CCDC141: variants seen among roughly 807,000 people sequenced by gnomAD.
CCDC141 encodes the protein coiled-coil domain containing 141.
Under a neutral mutation model 181.0 loss-of-function variants are expected in CCDC141, and 168 were observed. The observed-to-expected ratio is 0.93, with a 90% CI of 0.82 to 1.05. The LOEUF is 1.05. Ranked by LOEUF, CCDC141 falls within the 50% of genes least tolerant of loss-of-function variation. The pLI, the probability that CCDC141 is intolerant of heterozygous loss-of-function variation, is 0.00. For missense variants in CCDC141, 1,902 were observed against 1,788.5 expected, an observed-to-expected ratio of 1.06 and a Z score of -1.14; for synonymous variants, 666 against 642.3, an observed-to-expected ratio of 1.04 and a Z score of -0.56.
intron 8 of CCDC141, among the ~76,000 whole-genome samples, chr2:178,898,557 A>G (rs1177108688): frequency 6.6e-6 from 1 of 152,236 alleles, no homozygotes; most frequent in Admixed American, 6.6e-5. Context: ...AAAGGATAAC[A>G]ACTATTTAAT....
chr2:179,037,274 C>T (rs551005203), intron 2 of CCDC141, among the ~76,000 whole-genome samples: 1 of 152,362 alleles, frequency 6.6e-6, no homozygotes, highest in African/African-American at 2.4e-5. Context: ...GTGGAAACAT[C>T]TTCCCTAACA....
chr2:179,017,396 G>A (rs969484114), intron 2 of CCDC141, among the ~76,000 whole-genome samples: 3 of 151,988 alleles, frequency 2.0e-5, no homozygotes, highest in Non-Finnish European at 4.4e-5. Context: ...GGTGTATCTG[G>A]GGTGGGTGAT....
At chr2:178,904,042 T>C (rs925617348) in intron 8 of CCDC141, among the ~76,000 whole-genome samples, 3 of 152,274 alleles carry the variant, frequency 2.0e-5, no homozygotes, top group Non-Finnish European at 4.4e-5. Flanking sequence ...AAGACATTTA[T>C]ACATTCTGGA....
At chr2:178,978,365 G>C (rs1441841510) in intron 3 of CCDC141, 119 bp downstream of exon 3, 2 of 555,500 alleles carry the variant, frequency 3.6e-6, no homozygotes, top group East Asian at 6.9e-5. Context: ...TGTATGTTTT[G>C]GTTATTCTGC....
chr2:178,879,567 T>C (rs1291059374), intron 11 of CCDC141, among the ~76,000 whole-genome samples: 1 of 152,160 alleles, frequency 6.6e-6, no homozygotes, highest in African/African-American at 2.4e-5. Flanking sequence ...TGGAGCCTTC[T>C]AAGATGCCCT....
intron 5 of CCDC141, among the ~76,000 whole-genome samples, chr2:178,957,363 C>T (rs189129690): frequency 4.2e-4 from 64 of 152,268 alleles, no homozygotes; most frequent in African/African-American, 1.4e-3. Context: ...GAAACAGCAA[C>T]GAGACACCAC....
intron 2 of CCDC141, among the ~76,000 whole-genome samples, chr2:179,043,984 A>G (rs1485936791): frequency 6.6e-6 from 1 of 152,226 alleles, no homozygotes; most frequent in Non-Finnish European, 1.5e-5. Flanking sequence ...CAACGTGCAA[A>G]AACCGCTAGC....
chr2:178,875,951 C>A (rs559440066), intron 12 of CCDC141: 2 of 151,818 alleles, frequency 1.3e-5, no homozygotes, highest in Non-Finnish European at 2.9e-5. Context: ...ATGTTCTAAA[C>A]GAAAAATAAC....
chr2:179,043,654 T>C (rs1471095773), intron 2 of CCDC141, among the ~76,000 whole-genome samples: 2 of 152,168 alleles, frequency 1.3e-5, no homozygotes, highest in East Asian at 1.9e-4. Flanking sequence ...CGGAATAAAC[T>C]AGGTATTGAA....
At chr2:179,038,124 C>G (rs2043195049) in intron 2 of CCDC141, among the ~76,000 whole-genome samples, 1 of 152,122 alleles carries the variant, frequency 6.6e-6, no homozygotes, top group Non-Finnish European at 1.5e-5. Context: ...TGTCTATTGA[C>G]AGATGAATGA....
chr2:178,834,545 C>G (rs1171247416), intron 23 of CCDC141, 105 bp from the exon 24 acceptor site: 1 of 1,271,276 alleles, frequency 7.9e-7, no homozygotes, highest in African/African-American at 1.5e-5. Context: ...GCAATATTCT[C>G]TTAGGATTAG....
chr2:179,018,340 A>G (rs1396582367), intron 2 of CCDC141, among the ~76,000 whole-genome samples: 1 of 152,170 alleles, frequency 6.6e-6, no homozygotes, highest in Middle Eastern at 3.2e-3. Context: ...GGATACAGGT[A>G]GAGTCTCTAG....
intron 2 of CCDC141, among the ~76,000 whole-genome samples, chr2:178,996,928 C>G (rs1271878533): frequency 6.6e-6 from 1 of 152,134 alleles, no homozygotes. Flanking sequence ...GATCAGAGGC[C>G]AGGTATGGCC....
At chr2:178,935,731 A>C (rs1689259894) in intron 6 of CCDC141, among the ~76,000 whole-genome samples, 1 of 152,116 alleles carries the variant, frequency 6.6e-6, no homozygotes, top group African/African-American at 2.4e-5. Flanking sequence ...AATGGTGTAT[A>C]AGTGTTCCCT....
At position 178,905,422 on chromosome 2, in the gene CCDC141, A is replaced by T. The variant is rs1172180451; in HGVS notation, c.1172T>A (p.Val391Glu). The T allele has an allele frequency of 6.4e-7, 1 of 1,550,994 alleles. No homozygotes were observed. Among genetic ancestry groups the T allele is most frequent in the African/African-American group, 1.4e-5 (1 of 73,174 alleles). Residue 391 changes from valine to glutamate, a missense_variant, in exon 8 of 24, where the codon GTG becomes GAG. Physicochemically the swap from Val to Glu is moderately radical, Grantham distance 121. Transcript: ENST00000443758. ...SEGLSLAVLA[V>E]RHEELHRKIK... The stretch of plus-strand genomic sequence containing the variant: ...TTTTCTGTGTAATTCCTCATGCCTC[A>T]CTGCCAAAACAGCCAGACTTAAACC...
chr2:178,988,953 A>G (rs1310338482), intron 2 of CCDC141, among the ~76,000 whole-genome samples: 1 of 152,196 alleles, frequency 6.6e-6, no homozygotes, highest in East Asian at 1.9e-4. Flanking sequence ...ATTCACATGT[A>G]AAAGAATAAA....
chr2:179,019,166 G>A (rs985753375), intron 2 of CCDC141, among the ~76,000 whole-genome samples: 2 of 152,068 alleles, frequency 1.3e-5, no homozygotes, highest in African/African-American at 2.4e-5. Flanking sequence ...ATTAGGAGAC[G>A]AAAGTCTTTT....
chr2:178,956,161 GC>G (rs1364327010), intron 5 of CCDC141, among the ~76,000 whole-genome samples: 3 of 152,114 alleles, frequency 2.0e-5, no homozygotes, highest in African/African-American at 7.2e-5. Context: ...CAACAGTCTG[GC>G]CCCAGGATCC....
intron 2 of CCDC141, among the ~76,000 whole-genome samples, chr2:179,019,871 A>C (rs1232301872): frequency 6.6e-6 from 1 of 152,002 alleles, no homozygotes; most frequent in Non-Finnish European, 1.5e-5. Flanking sequence ...GGCTCAAGCA[A>C]TCTTCCTACC....
Sources: gnomAD v4.1 joint callset for allele counts (sites outside exome capture counted in the v4.1 genomes callset) on GRCh38, gnomAD v4.1.1 for gene constraint, MANE v1.5 for transcripts, NCBI Gene and HGNC (gene_info 2026-07-23, HGNC 2026-07-21) for gene names.